LARS1: variants seen among roughly 807,000 people sequenced by gnomAD.
LARS1 encodes the protein leucyl-tRNA synthetase 1.
In LARS1, 100 loss-of-function variants were observed where a neutral mutation model predicts 162.8. The ratio of observed to expected loss-of-function variants is 0.61; its 90% CI spans 0.52 to 0.73. The LOEUF (loss-of-function observed/expected upper bound fraction) is 0.73, where lower values mean the gene tolerates loss of function less well. Ranked by LOEUF, LARS1 falls within the 30% of genes least tolerant of loss-of-function variation. The probability of loss-of-function intolerance (pLI) is 0.00; values close to 1 mark genes in which losing one functional copy is unlikely to be tolerated. For synonymous variants in LARS1, 457 were observed against 462.8 expected (o/e 0.99, Z 0.16); for missense variants, 1,258 against 1,408.9 (o/e 0.89, Z 1.71).
intron 6 of LARS1, among the ~76,000 whole-genome samples, chr5:146,162,451 A>G (rs1311299346): frequency 1.3e-5 from 2 of 152,212 alleles, no homozygotes; most frequent in Admixed American, 6.5e-5. Context: ...GTAGGTCTCA[A>G]GAGTGGGCTT....
intron 31 of LARS1, 70 bp downstream of exon 31, chr5:146,120,301 T>G: frequency 6.5e-7 from 1 of 1,527,938 alleles, no homozygotes; most frequent in Non-Finnish European, 9.0e-7. Context: ...TTCTTTTCTT[T>G]TTCCTTTCTG....
chr5:146,159,545 A>C, intron 7 of LARS1, 75 bp from the exon 8 acceptor site: 1 of 1,120,830 alleles, frequency 8.9e-7, no homozygotes, highest in South Asian at 1.3e-5. Context: ...CCTGTGTTGC[A>C]CCTAATTTCT....
Position 146,168,158 on chromosome 5 carries a change from T to C in LARS1, c.402A>G (p.Ile134Met). 6.2e-7 allele frequency: 1 copy of C among 1,609,424 alleles called. No homozygotes were observed. ...EEETSVKTEDIIIKDKAKGKK... is the reference protein window; with the variant it reads ...EEETSVKTEDMIIKDKAKGKK... ...TTCCTTTAGCTTTATCCTTAATTAT[T>C]ATATCTTCTGTTTTAACACTGGTTT... The change falls in exon 5 of 32, where the codon ATA (isoleucine) becomes ATG (methionine). Residue 134 changes from isoleucine to methionine, a missense_variant. Physicochemically the swap from Ile to Met is conservative, Grantham distance 10. Transcript: ENST00000394434.
chr5:146,180,785 C>T (rs1476681468), intron 1 of LARS1, among the ~76,000 whole-genome samples: 1 of 152,154 alleles, frequency 6.6e-6, no homozygotes, highest in Non-Finnish European at 1.5e-5. Flanking sequence ...TGAGACTCAA[C>T]CTCCTCACTG....
Position 146,126,475 on chromosome 5 carries a change from T to C in LARS1, c.2951A>G (p.Lys984Arg). The part of the protein sequence containing the change: ...SELGSMPELK[K>R]YMKKVMPFVA... ...AAATGGCATGACTTTCTTCATGTAT[T>C]TCTTCAGTTCTGGCATACTGCCTAG... is the stretch of plus-strand genomic sequence containing the variant. Residue 984 changes from lysine (K) to arginine (R), a missense_variant, in exon 28 of 32, where the codon AAA becomes AGA. Transcript: ENST00000394434. The C allele has an allele frequency of 6.2e-7, 1 of 1,612,346 alleles. No individual in the cohort carries two copies. The highest frequency in any genetic ancestry group is 1.1e-5 in the South Asian group (1 of 91,016).
rs1753739241 is a variant in LARS1 at position 146,160,622 on chromosome 5, A to G, written c.595-136T>C. On this transcript the variant is annotated intron_variant, in intron 6 of 31. Transcript: ENST00000394434. ...TATTAAAAATAATTTTCCAAGTTCC[A>G]CTATTAAAAGTATATCACAATTACT... 1.1e-5 allele frequency: 5 copies of G among 475,224 alleles called. No homozygotes were observed. In the South Asian group the frequency reaches 1.7e-4, roughly 16 times the overall value. The allele number at this position is 475,224 out of a possible 1,614,324, so 29.4% of individuals were successfully genotyped here. A position where few individuals can be genotyped will look rare whatever the true frequency, so the allele number is the denominator to read the frequency against.
chr5:146,128,963 AC>A lies in LARS1; in HGVS notation c.2769+14del, dbSNP rs1362635659. On this transcript the variant is annotated intron_variant, in intron 26 of 31. Transcript: ENST00000394434. ...AAGGAATAATCCTTTAAAAAAAAAA[AC>A]AAAAAAACTTTACCTTCCCTTTAGC... is the stretch of plus-strand genomic sequence containing the variant. 5.1e-6 allele frequency: 8 copies of A among 1,569,762 alleles called. No individual in the cohort carries two copies. Among genetic ancestry groups the A allele is most frequent in the African/African-American group, 4.2e-5 (3 of 72,070 alleles).
At chr5:146,120,315 A>C in intron 31 of LARS1, 56 bp downstream of exon 31, 8 of 1,585,636 alleles carry the variant, frequency 5.0e-6, no homozygotes, top group Non-Finnish European at 6.9e-6. Context: ...CTTTCTGCTT[A>C]GAACTCACCA....
chr5:146,136,291 T>G (rs1209044318), intron 21 of LARS1, among the ~76,000 whole-genome samples: 2 of 152,210 alleles, frequency 1.3e-5, no homozygotes, highest in East Asian at 3.8e-4. Context: ...AAAATCAGGA[T>G]AGTACAACAA....
At chr5:146,144,224 A>AATTCTGTATATTT in intron 18 of LARS1, 43 bp downstream of exon 18, 1 of 1,418,666 alleles carries the variant, frequency 7.0e-7, no homozygotes, top group South Asian at 1.2e-5. Context: ...TTTCTGTGTA[A>AATTCTGTATATTT]CTGGCAAAGT....
At chr5:146,161,501 G>A (rs1186729586) in intron 6 of LARS1, among the ~76,000 whole-genome samples, 1 of 152,204 alleles carries the variant, frequency 6.6e-6, no homozygotes, top group African/African-American at 2.4e-5. Context: ...GGCCAAGGCA[G>A]GCGGATCACT....
intron 24 of LARS1, chr5:146,130,561 C>G (rs1197229972): frequency 5.4e-6 from 1 of 186,072 alleles, no homozygotes; most frequent in Non-Finnish European, 1.1e-5. Flanking sequence ...TTATATAAAA[C>G]TCAATGTGAT....
intron 3 of LARS1, 64 bp from the exon 4 acceptor site, chr5:146,172,054 T>G: frequency 7.2e-7 from 1 of 1,384,290 alleles, no homozygotes; most frequent in South Asian, 1.2e-5. Flanking sequence ...AAATGTGAAC[T>G]TTTCACACAA....
At chr5:146,163,222 C>G (rs1581070566) in intron 6 of LARS1, among the ~76,000 whole-genome samples, 2 of 152,220 alleles carry the variant, frequency 1.3e-5, no homozygotes, top group African/African-American at 4.8e-5. Flanking sequence ...CCAGCCTTTA[C>G]AGAATTGAAG....
intron 30 of LARS1, among the ~76,000 whole-genome samples, chr5:146,121,915 T>G (rs1396762597): frequency 6.6e-6 from 1 of 152,094 alleles, no homozygotes; most frequent in Non-Finnish European, 1.5e-5. Context: ...CCATGGCACG[T>G]GTATACCTAT....
Position 146,159,488 on chromosome 5 carries a change from A to G in LARS1, c.708-18T>C, listed in dbSNP as rs746909884. ...TTGTATACCTAAAAAATAAACAAAA[A>G]GTGACAAACATTATTATAATATTCA... is the stretch of plus-strand genomic sequence containing the variant. On this transcript the variant is annotated intron_variant, in intron 7 of 31. Coordinates refer to ENST00000394434, the MANE Select transcript of LARS1 (RefSeq NM_020117.11). 2.6e-6 allele frequency: 4 copies of G among 1,566,902 alleles called. No individual in the cohort carries two copies. Among genetic ancestry groups the G allele is most frequent in the East Asian group, 2.2e-5 (1 of 44,566 alleles).
intron 5 of LARS1, among the ~76,000 whole-genome samples, chr5:146,165,641 C>T (rs1393927487): frequency 7.7e-6 from 1 of 129,858 alleles, no homozygotes; most frequent in Non-Finnish European, 1.6e-5. Flanking sequence ...TATCTAACTG[C>T]ATTACAAATA....
Position 146,182,385 on chromosome 5 carries a change from C to T in LARS1, c.6+103G>A. On this transcript the variant is annotated intron_variant, in intron 1 of 31. Coordinates refer to ENST00000394434, the MANE Select transcript of LARS1 (RefSeq NM_020117.11). ...AAAGGCACGCCTTAAGCGTGGCTCTCTTTTAGAAAAGGACTTTCCCTTCAG... is the reference window on the plus strand; with the variant it reads ...AAAGGCACGCCTTAAGCGTGGCTCTTTTTTAGAAAAGGACTTTCCCTTCAG... The T allele has an allele frequency of 2.7e-6, 4 of 1,504,508 alleles. No individual in the cohort carries two copies. The South Asian group carries it at 3.4e-5, about 13-fold the overall frequency. 93.2% of individuals were successfully genotyped at this position (1,504,508 alleles called of 1,614,324 possible). A position where few individuals can be genotyped will look rare whatever the true frequency, so the allele number is the denominator to read the frequency against.
intron 28 of LARS1, among the ~76,000 whole-genome samples, chr5:146,125,165 T>C (rs1454428358): frequency 6.6e-6 from 1 of 152,056 alleles, no homozygotes; most frequent in Non-Finnish European, 1.5e-5. Flanking sequence ...TGACAGAGAT[T>C]TGGCATTATG....
Sources: allele counts gnomAD v4.1 joint callset (sites outside exome capture counted in the v4.1 genomes callset), GRCh38; gene constraint gnomAD v4.1.1; transcripts MANE v1.5; gene names NCBI Gene and HGNC (gene_info 2026-07-23, HGNC 2026-07-21).